Variants in CCDC146 observed in about 807,000 individuals in gnomAD.
CCDC146 encodes coiled-coil domain-containing protein 146.
In CCDC146, 92 loss-of-function variants were observed where a neutral mutation model predicts 119.3. The observed-to-expected ratio is 0.77, with a 90% confidence interval of 0.65 to 0.92. CCDC146 has a LOEUF of 0.92. Ranked by LOEUF, CCDC146 falls within the 40% of genes least tolerant of loss-of-function variation. The pLI is 0.00. For synonymous variants in CCDC146, 372 were observed against 371.8 expected, an observed-to-expected ratio of 1.00 and a Z score of -0.01; for missense variants, 1,000 against 1,103.0, an observed-to-expected ratio of 0.91 and a Z score of 1.32.
chr7:77,155,986 C>T (rs967187200), intron 1 of CCDC146, among the ~76,000 whole-genome samples: 4 of 151,900 alleles, frequency 2.6e-5, no homozygotes, highest in African/African-American at 7.3e-5. Flanking sequence ...TTTCTTGGGT[C>T]TGTGCTTGGG....
chr7:77,241,586 G>GGGCACAAAA, intron 3 of CCDC146, 105 bp from the exon 4 acceptor site: 1 of 908,544 alleles, frequency 1.1e-6, no homozygotes, highest in Non-Finnish European at 1.7e-6. Flanking sequence ...CCAGAGTTGA[G>GGGCACAAAA]TTGATCTGAG....
At chr7:77,145,183 T>C (rs1046511879) in intron 1 of CCDC146, among the ~76,000 whole-genome samples, 4 of 151,908 alleles carry the variant, frequency 2.6e-5, no homozygotes, top group Non-Finnish European at 4.4e-5. Flanking sequence ...CCATTTCTTC[T>C]AGATTTTCTA....
intron 9 of CCDC146, among the ~76,000 whole-genome samples, chr7:77,272,938 A>G (rs1793554229): frequency 6.6e-6 from 1 of 152,228 alleles, no homozygotes; most frequent in South Asian, 2.1e-4. Context: ...ATGACTATAT[A>G]TAAGTAGCAA....
chr7:77,147,724 G>A (rs961475166), intron 1 of CCDC146, among the ~76,000 whole-genome samples: 4 of 152,198 alleles, frequency 2.6e-5, no homozygotes, highest in South Asian at 4.1e-4. Flanking sequence ...GCAGAACAGC[G>A]AATATTGCTG....
chr7:77,294,761 TC>T lies in CCDC146; in HGVS notation c.2765del (p.Pro922LeufsTer21). ...AYIPEADATL[P>X]LPKPYGALAP... ...ACATCCCAGAAGCAGATGCCACTCT[TC>T]CTTTGCCAAAACCTTATGGTGCTTT... is the stretch of plus-strand genomic sequence containing the variant. On this transcript the variant is annotated frameshift_variant, in exon 19 of 19. Coordinates refer to ENST00000285871, the MANE Select transcript of CCDC146 (RefSeq NM_020879.3). LOFTEE classifies it high-confidence loss of function. 6.2e-7 allele frequency: 1 copy of T among 1,614,132 alleles called. No homozygotes were observed. Among genetic ancestry groups the T allele is most frequent in the East Asian group, 2.2e-5 (1 of 44,886 alleles).
chr7:77,239,263 C>G (rs1792798669), intron 3 of CCDC146, among the ~76,000 whole-genome samples: 1 of 152,176 alleles, frequency 6.6e-6, no homozygotes, highest in African/African-American at 2.4e-5. Flanking sequence ...GAAGCCTGAC[C>G]TATTAAGGAG....
At chr7:77,210,952 G>A (rs185998461) in intron 2 of CCDC146, among the ~76,000 whole-genome samples, 11 of 152,228 alleles carry the variant, frequency 7.2e-5, no homozygotes, top group East Asian at 1.9e-4. Context: ...CTCCCACCAG[G>A]TCCCTCTCCC....
chr7:77,227,465 C>T (rs1412789327), intron 2 of CCDC146, among the ~76,000 whole-genome samples: 1 of 152,152 alleles, frequency 6.6e-6, no homozygotes, highest in Non-Finnish European at 1.5e-5. Context: ...GCCACCACGC[C>T]CGGCTAATTT....
At chr7:77,199,289 T>C in intron 2 of CCDC146, 1 of 1,614,146 alleles carries the variant, frequency 6.2e-7, no homozygotes, top group Non-Finnish European at 8.5e-7. Context: ...TAATTTTCTA[T>C]GTTGTTCATA....
At chr7:77,215,179 A>AT (rs1337662078) in intron 2 of CCDC146, among the ~76,000 whole-genome samples, 2 of 131,056 alleles carry the variant, frequency 1.5e-5, no homozygotes, top group African/African-American at 3.2e-5. Context: ...GGGTGTTTTT[A>AT]TTTTTTTGGT....
chr7:77,269,328 TTAA>T (rs771047422), intron 9 of CCDC146, among the ~76,000 whole-genome samples: 2 of 152,138 alleles, frequency 1.3e-5, no homozygotes, highest in African/African-American at 4.8e-5. Context: ...ATTGAGGCTA[TTAA>T]TGATGGTTTC....
intron 1 of CCDC146, among the ~76,000 whole-genome samples, chr7:77,129,963 A>C (rs1354964021): frequency 6.6e-6 from 1 of 152,068 alleles, no homozygotes; most frequent in African/African-American, 2.4e-5. Flanking sequence ...CTTGCATTCA[A>C]CTAACCCTAT....
At chr7:77,133,652 CTTTT>C (rs71524906) in intron 1 of CCDC146, among the ~76,000 whole-genome samples, 3 of 137,830 alleles carry the variant, frequency 2.2e-5, no homozygotes, top group Admixed American at 7.2e-5. Context: ...CCTGGAACAC[CTTTT>C]TTTTTTTTTT....
At chr7:77,277,341 A>G (rs1793668469) in intron 11 of CCDC146, among the ~76,000 whole-genome samples, 1 of 152,268 alleles carries the variant, frequency 6.6e-6, no homozygotes. Flanking sequence ...AAAAACTGAT[A>G]TACATGTATA....
chr7:77,275,045 A>T (rs1008525430), intron 11 of CCDC146, among the ~76,000 whole-genome samples: 6 of 139,970 alleles, frequency 4.3e-5, no homozygotes, highest in Non-Finnish European at 9.2e-5. Context: ...TATAAATATT[A>T]AAAAAAGAAC....
chr7:77,176,436 GA>G (rs1298835069), intron 2 of CCDC146, among the ~76,000 whole-genome samples: 1 of 150,922 alleles, frequency 6.6e-6, no homozygotes, highest in African/African-American at 2.5e-5. Flanking sequence ...AGTGGGTGAG[GA>G]AAAGATTCTA....
chr7:77,268,050 T>C (rs2150525413), intron 9 of CCDC146, among the ~76,000 whole-genome samples: 1 of 152,298 alleles, frequency 6.6e-6, no homozygotes, highest in South Asian at 2.1e-4. Context: ...TTACAGGATA[T>C]GTGTCATGTG....
chr7:77,180,427 T>C (rs1791569067), intron 2 of CCDC146, among the ~76,000 whole-genome samples: 1 of 152,158 alleles, frequency 6.6e-6, no homozygotes, highest in Non-Finnish European at 1.5e-5. Flanking sequence ...AGACCAGGTA[T>C]GGTGGCTCAC....
intron 1 of CCDC146, among the ~76,000 whole-genome samples, chr7:77,161,221 C>T (rs2117468400): frequency 6.6e-6 from 1 of 152,302 alleles, no homozygotes; most frequent in Admixed American, 6.5e-5. Flanking sequence ...TTGTGGAAGT[C>T]AGTGTGGTGA....
Sources: allele counts gnomAD v4.1 joint callset (sites outside exome capture counted in the v4.1 genomes callset), GRCh38; gene constraint gnomAD v4.1.1; transcripts MANE v1.5; gene names NCBI Gene and HGNC (gene_info 2026-07-23, HGNC 2026-07-21).